The following FOCAD variants were observed in gnomAD, a reference collection of about 807,000 sequenced individuals.
The protein encoded by FOCAD is KIAA1797.
In FOCAD, 198 loss-of-function variants were observed where a neutral mutation model predicts 225.6. The observed-to-expected ratio is 0.88, with a 90% CI of 0.78 to 0.99. The LOEUF (loss-of-function observed/expected upper bound fraction) is 0.99, where lower values mean the gene tolerates loss of function less well. Among genes scored for constraint, FOCAD ranks in the 50% least tolerant of loss-of-function variants. The pLI is 0.00. For missense variants in FOCAD, 2,713 were observed against 2,123.6 expected, an observed-to-expected ratio of 1.28 and a Z score of -5.46; for synonymous variants, 897 against 755.0, an observed-to-expected ratio of 1.19 and a Z score of -3.08.
chr9:20,724,228 T>A (rs944930953), intron 4 of FOCAD, among the ~76,000 whole-genome samples: 1 of 152,076 alleles, frequency 6.6e-6, no homozygotes, highest in African/African-American at 2.4e-5. Context: ...CAGCTTTCTA[T>A]TTTTTTTCTA....
chr9:20,862,535 T>G (rs751432982), intron 15 of FOCAD, 43 bp from the exon 16 acceptor site: 1 of 1,599,910 alleles, frequency 6.3e-7, no homozygotes, highest in Non-Finnish European at 8.5e-7. Context: ...TTCATATAGG[T>G]TGGAGTCTTG....
At chr9:20,792,829 A>G (rs1020740897) in intron 11 of FOCAD, among the ~76,000 whole-genome samples, 10 of 152,224 alleles carry the variant, frequency 6.6e-5, no homozygotes, top group African/African-American at 2.2e-4. Context: ...TTAAAAAGTC[A>G]TATATTATCA....
chr9:20,702,595 T>C (rs1426069128), intron 1 of FOCAD, among the ~76,000 whole-genome samples: 1 of 152,210 alleles, frequency 6.6e-6, no homozygotes, highest in South Asian at 2.1e-4. Flanking sequence ...GTAGTACTTA[T>C]GTCATGAGGT....
chr9:20,922,988 G>C (rs1269604905), intron 24 of FOCAD, among the ~76,000 whole-genome samples: 1 of 152,184 alleles, frequency 6.6e-6, no homozygotes, highest in Non-Finnish European at 1.5e-5. Context: ...GCTGATATTA[G>C]AAGGCTACCA....
At chr9:20,723,089 T>A (rs1825912832) in intron 4 of FOCAD, among the ~76,000 whole-genome samples, 2 of 152,214 alleles carry the variant, frequency 1.3e-5, no homozygotes, top group African/African-American at 4.8e-5. Flanking sequence ...TAATTCTTCC[T>A]CCCTATTGTA....
At chr9:20,847,186 A>G (rs1827200064) in intron 15 of FOCAD, among the ~76,000 whole-genome samples, 1 of 152,070 alleles carries the variant, frequency 6.6e-6, no homozygotes, top group South Asian at 2.1e-4. Context: ...ATCATCCCCA[A>G]AAGGAACTCT....
chr9:20,745,627 C>T (rs1252412289), intron 5 of FOCAD, among the ~76,000 whole-genome samples: 1 of 152,104 alleles, frequency 6.6e-6, no homozygotes, highest in Non-Finnish European at 1.5e-5. Flanking sequence ...ATCTCTCTTC[C>T]CTCAGCTAAA....
intron 11 of FOCAD, among the ~76,000 whole-genome samples, chr9:20,797,501 G>C (rs1303798219): frequency 6.6e-6 from 1 of 152,002 alleles, no homozygotes. Flanking sequence ...CTTGAGCAGT[G>C]GTTTGTAGTT....
intron 5 of FOCAD, among the ~76,000 whole-genome samples, chr9:20,752,219 A>C (rs1295611112): frequency 6.6e-6 from 1 of 151,882 alleles, no homozygotes; most frequent in Non-Finnish European, 1.5e-5. Context: ...TGTTTTAGAC[A>C]TGAAGTCCTT....
chr9:20,698,796 A>G (rs1290523346), intron 1 of FOCAD, among the ~76,000 whole-genome samples: 3 of 152,218 alleles, frequency 2.0e-5, no homozygotes, highest in African/African-American at 7.2e-5. Context: ...ACTGATCAAT[A>G]TTTTATCTGC....
chr9:20,986,283 T>TTTTTTTTTTTTTTTTG lies in FOCAD; in HGVS notation c.4729-5_4729-4insTTTTTTTTTTTTTTTG. ...ACTAAACAATTTTTTTTTTTTTTTT[T>TTTTTTTTTTTTTTTTG]GCAGAGCAACATAGAAAAAGCTGCC... On this transcript the variant is annotated splice_polypyrimidine_tract_variant and splice_region_variant and intron_variant, in intron 39 of 43. Coordinates refer to ENST00000338382, the MANE Select transcript of FOCAD (RefSeq NM_001375567.1). 6.8e-7 allele frequency: 1 copy of TTTTTTTTTTTTTTTTG among 1,476,882 alleles called. No homozygotes were observed. The highest frequency in any genetic ancestry group is 9.0e-7 in the Non-Finnish European group (1 of 1,113,548). 91.5% of individuals were successfully genotyped at this position (1,476,882 alleles called of 1,614,324 possible).
rs555207402 is a variant in FOCAD at position 20,874,602 on chromosome 9, C to T, written c.2191-79C>T. 4.1e-5 allele frequency: 61 copies of T among 1,492,002 alleles called. No individual in the cohort carries two copies. The African/African-American group carries it at 8.2e-4, about 20-fold the overall frequency. The allele number at this position is 1,492,002 out of a possible 1,614,324, so 92.4% of individuals were successfully genotyped here. The stretch of plus-strand genomic sequence containing the variant: ...GTCTAACAAAATTTTAAAATCTTGT[C>T]ACAAAAAAGGATACAGAAAAGATTT... On this transcript the variant is annotated intron_variant, in intron 18 of 43. Transcript: ENST00000338382.
At chr9:20,688,690 A>C (rs945335632) in intron 1 of FOCAD, among the ~76,000 whole-genome samples, 5 of 152,236 alleles carry the variant, frequency 3.3e-5, no homozygotes, top group African/African-American at 1.2e-4. Context: ...AAGATGACCC[A>C]GTGAAAAAGA....
intron 18 of FOCAD, among the ~76,000 whole-genome samples, chr9:20,871,091 C>G (rs1829721921): frequency 6.6e-6 from 1 of 151,900 alleles, no homozygotes; most frequent in African/African-American, 2.4e-5. Flanking sequence ...GTAATCCCAG[C>G]TACTCGGGAG....
At chr9:20,913,854 G>T (rs1006357686) in intron 23 of FOCAD, among the ~76,000 whole-genome samples, 1 of 152,130 alleles carries the variant, frequency 6.6e-6, no homozygotes, top group African/African-American at 2.4e-5. Flanking sequence ...TGGTGAAGTA[G>T]TATATTTGCT....
chr9:20,946,599 T>G, intron 29 of FOCAD, 102 bp from the exon 30 acceptor site: 1 of 1,318,414 alleles, frequency 7.6e-7, no homozygotes, highest in Non-Finnish European at 1.0e-6. Flanking sequence ...TGAATCCAAT[T>G]CTTACTCTGG....
intron 2 of FOCAD, among the ~76,000 whole-genome samples, 197 bp from the exon 3 acceptor site, chr9:20,717,597 T>C (rs1015951738): frequency 6.6e-6 from 1 of 152,220 alleles, no homozygotes; most frequent in African/African-American, 2.4e-5. Context: ...TAGATATGCC[T>C]ACCTTGAGGG....
intron 2 of FOCAD, among the ~76,000 whole-genome samples, chr9:20,676,383 T>A (rs1488529313): frequency 1.3e-5 from 2 of 152,216 alleles, no homozygotes; most frequent in Admixed American, 1.3e-4. Flanking sequence ...ACTTCTGGAA[T>A]GAGAAGAACC....
At chr9:20,858,820 T>G (rs1471705269) in intron 15 of FOCAD, among the ~76,000 whole-genome samples, 1 of 123,868 alleles carries the variant, frequency 8.1e-6, no homozygotes, top group African/African-American at 3.1e-5. Flanking sequence ...ATTTTTCACT[T>G]TGCTTTTTAA....
Sources: allele counts gnomAD v4.1 joint callset (sites outside exome capture counted in the v4.1 genomes callset), GRCh38; gene constraint gnomAD v4.1.1; transcripts MANE v1.5; gene names NCBI Gene and HGNC (gene_info 2026-07-23, HGNC 2026-07-21).